Variants in GRIK1 observed in about 807,000 individuals in gnomAD.
GRIK1 encodes the protein glutamate ionotropic receptor kainate type subunit 1.
In GRIK1, 69 loss-of-function variants were observed where a neutral mutation model predicts 105.7. The observed-to-expected ratio is 0.65, with a 90% CI of 0.54 to 0.80. The LOEUF is 0.80. GRIK1 is among the 30% of genes least tolerant of loss of function. GRIK1 has a pLI of 0.00. For synonymous variants in GRIK1, 438 were observed against 431.3 expected (o/e 1.02, Z -0.19); for missense variants, 1,109 against 1,167.3 (o/e 0.95, Z 0.73).
intron 9 of GRIK1, 105 bp from the exon 10 acceptor site, chr21:29,591,330 G>C: frequency 2.6e-6 from 2 of 758,574 alleles, no homozygotes; most frequent in East Asian, 2.5e-5. Flanking sequence ...CTCACAGTTT[G>C]GGACACTGGG....
rs185746302 is a variant in GRIK1 at position 29,693,188 on chromosome 21, G to T, written c.286+708C>A. ...TATTTAGTGACTAGATAGTGTCCCT[G>T]TTAGAAGCCAACCCTCAACTATGTG... On this transcript the variant is annotated intron_variant, in intron 2 of 17. Coordinates refer to ENST00000327783, the MANE Select transcript of GRIK1 (RefSeq NM_001330994.2). Among the ~76,000 whole-genome samples, 4 of 152,184 alleles carry T rather than the reference G, an allele frequency of 2.6e-5. No homozygotes were observed. The East Asian group carries it at 7.7e-4, about 29-fold the overall frequency.
chr21:29,564,029 T>A (rs1222093404), intron 14 of GRIK1, among the ~76,000 whole-genome samples: 3 of 152,234 alleles, frequency 2.0e-5, no homozygotes, highest in Non-Finnish European at 2.9e-5. Context: ...TAGCTTTTAT[T>A]CATGGACTCA....
intron 1 of GRIK1, among the ~76,000 whole-genome samples, chr21:29,927,160 A>G (rs2071397724): frequency 6.6e-6 from 1 of 152,142 alleles, no homozygotes; most frequent in Admixed American, 6.5e-5. Context: ...TCGAAATGCA[A>G]TAATAACTTT....
At chr21:29,738,058 C>T (rs533585773) in intron 1 of GRIK1, among the ~76,000 whole-genome samples, 1 of 152,358 alleles carries the variant, frequency 6.6e-6, no homozygotes, top group East Asian at 1.9e-4. Context: ...TGAGAGCAAC[C>T]ATAGAGACAG....
chr21:29,715,852 C>G (rs2064164741), intron 1 of GRIK1, among the ~76,000 whole-genome samples: 1 of 151,886 alleles, frequency 6.6e-6, no homozygotes, highest in South Asian at 2.1e-4. Flanking sequence ...GTAGTATTAT[C>G]TTATTATAAT....
chr21:29,756,349 C>T (rs921090743), intron 1 of GRIK1, among the ~76,000 whole-genome samples: 2 of 152,048 alleles, frequency 1.3e-5, no homozygotes, highest in African/African-American at 4.8e-5. Flanking sequence ...CCACTGCACT[C>T]CAGCCTGGGC....
At chr21:29,653,896 A>G (rs1345598304) in intron 5 of GRIK1, among the ~76,000 whole-genome samples, 4 of 152,304 alleles carry the variant, frequency 2.6e-5, no homozygotes, top group Non-Finnish European at 5.9e-5. Flanking sequence ...CATTCATTTC[A>G]TGATGTCCTC....
chr21:29,924,334 C>CAA (rs1226055845), intron 1 of GRIK1, among the ~76,000 whole-genome samples: 29 of 79,890 alleles, frequency 3.6e-4, no homozygotes, highest in African/African-American at 1.2e-3. Flanking sequence ...GAGACTGGCT[C>CAA]AAAAAAAAAA....
In GRIK1 at chr21:29,561,708, C is replaced by CA; in HGVS notation, c.2271dup (p.Glu758Ter). 6.2e-7 allele frequency: 1 copy of CA among 1,614,092 alleles called. No homozygotes were observed. Among genetic ancestry groups the CA allele is most frequent in the Non-Finnish European group, 8.5e-7 (1 of 1,179,950 alleles). On this transcript the variant is annotated frameshift_variant, in exon 15 of 18. Transcript: ENST00000327783. LOFTEE classifies it high-confidence loss of function. ...TTGCAGTTTCTCTGCGTCACATACT[C>CA]AATGCTGGTGGACTCCATCAGCAGC...
intron 1 of GRIK1, among the ~76,000 whole-genome samples, chr21:29,727,140 G>A (rs760637619): frequency 2.6e-4 from 40 of 152,010 alleles, no homozygotes; most frequent in Admixed American, 1.3e-4. Context: ...TGCCCAGGCT[G>A]GTCTCAAGCT....
chr21:29,587,923 G>C (rs187171995), intron 11 of GRIK1, among the ~76,000 whole-genome samples: 1 of 144,092 alleles, frequency 6.9e-6, no homozygotes, highest in East Asian at 2.2e-4. Flanking sequence ...ACTATTAATT[G>C]ACATGATGAG....
intron 1 of GRIK1, among the ~76,000 whole-genome samples, chr21:29,900,269 T>C (rs749598635): frequency 3.3e-5 from 5 of 151,786 alleles, no homozygotes; most frequent in Non-Finnish European, 5.9e-5. Context: ...CAGGATCAAA[T>C]TCACACATAA....
Position 29,588,922 on chromosome 21 carries a change from C to T in GRIK1, c.1486G>A (p.Val496Ile). The change falls in exon 11 of 18, where the codon GTT becomes ATT. Residue 496 changes from valine to isoleucine, a missense_variant. By Grantham distance (29) the Val-to-Ile change is conservative. Transcript: ENST00000327783. ...LSNILGFIYD[V>I]KLVPDGKYGA... ...TATTTGCCATCGGGAACTAGTTTAACATCATAAATGAAACCCAGGATGTTT... is the reference window on the plus strand; with the variant it reads ...TATTTGCCATCGGGAACTAGTTTAATATCATAAATGAAACCCAGGATGTTT... The T allele has an allele frequency of 6.2e-7, 1 of 1,608,758 alleles. No individual in the cohort carries two copies. The highest frequency in any genetic ancestry group is 1.1e-5 in the South Asian group (1 of 90,958).
intron 1 of GRIK1, among the ~76,000 whole-genome samples, chr21:29,798,727 G>A (rs2066623413): frequency 6.6e-6 from 1 of 152,070 alleles, no homozygotes; most frequent in African/African-American, 2.4e-5. Context: ...ATACTCCTCG[G>A]CATGTCCAAA....
chr21:29,589,542 T>C (rs934625260), intron 10 of GRIK1, among the ~76,000 whole-genome samples: 7 of 151,798 alleles, frequency 4.6e-5, no homozygotes, highest in Non-Finnish European at 8.8e-5. Context: ...CTTTCTCAGC[T>C]TCTTGAGCAG....
intron 1 of GRIK1, among the ~76,000 whole-genome samples, chr21:29,928,001 T>C (rs574915141): frequency 1.3e-5 from 2 of 152,084 alleles, no homozygotes; most frequent in South Asian, 2.1e-4. Flanking sequence ...TAGTCCTAAA[T>C]CCTAGGCCAC....
chr21:29,731,191 G>A (rs2064617000), intron 1 of GRIK1, among the ~76,000 whole-genome samples: 1 of 152,192 alleles, frequency 6.6e-6, no homozygotes, highest in African/African-American at 2.4e-5. Flanking sequence ...TAGTGGAGGA[G>A]GACTCTCTGG....
At chr21:29,706,506 G>T (rs1027085769) in intron 1 of GRIK1, among the ~76,000 whole-genome samples, 1 of 152,132 alleles carries the variant, frequency 6.6e-6, no homozygotes, top group African/African-American at 2.4e-5. Context: ...ATTGCTCTCA[G>T]TTTCATTCTA....
chr21:29,820,225 T>G (rs1187119040), intron 1 of GRIK1, among the ~76,000 whole-genome samples: 1 of 152,064 alleles, frequency 6.6e-6, no homozygotes, highest in East Asian at 1.9e-4. Flanking sequence ...TGTTTCCATT[T>G]TTTTCTTCCT....
Sources: gnomAD v4.1 joint callset for allele counts (sites outside exome capture counted in the v4.1 genomes callset) on GRCh38, gnomAD v4.1.1 for gene constraint, MANE v1.5 for transcripts, NCBI Gene and HGNC (gene_info 2026-07-23, HGNC 2026-07-21) for gene names.